Variants in SLC9A2 observed in about 807,000 individuals in gnomAD.
SLC9A2 encodes sodium/hydrogen exchanger 2.
SLC9A2 carries 42 observed loss-of-function variants against 71.7 expected under a neutral mutation model. The ratio of observed to expected loss-of-function variants is 0.59; its 90% CI spans 0.46 to 0.76. SLC9A2 has a LOEUF of 0.76. SLC9A2 is among the 30% of genes least tolerant of loss of function. SLC9A2 has a pLI of 0.00. For missense variants in SLC9A2, 829 were observed against 1,017.4 expected, an observed-to-expected ratio of 0.81 and a Z score of 2.52; for synonymous variants, 396 against 392.5, an observed-to-expected ratio of 1.01 and a Z score of -0.10.
chr2:102,644,078 C>T (rs1182266387), intron 1 of SLC9A2, among the ~76,000 whole-genome samples: 1 of 151,990 alleles, frequency 6.6e-6, no homozygotes, highest in Non-Finnish European at 1.5e-5. Context: ...GAACAGCTCC[C>T]AGCAAGTCCA....
intron 9 of SLC9A2, 84 bp downstream of exon 9, chr2:102,702,586 C>A: frequency 3.9e-6 from 3 of 772,028 alleles, no homozygotes; most frequent in African/African-American, 1.8e-5. Context: ...CTGGAGGCTG[C>A]ATCTTGACAC....
intron 1 of SLC9A2, 36 bp downstream of exon 1, chr2:102,620,173 C>T: frequency 6.4e-7 from 1 of 1,556,278 alleles, no homozygotes; most frequent in Non-Finnish European, 8.8e-7. Flanking sequence ...TGGGAGGGGG[C>T]GATCTCGGGG....
intron 1 of SLC9A2, among the ~76,000 whole-genome samples, chr2:102,654,918 G>T (rs1676908607): frequency 6.6e-6 from 1 of 152,104 alleles, no homozygotes; most frequent in African/African-American, 2.4e-5. Context: ...CATAGAAAAG[G>T]CATCATAAAA....
chr2:102,672,962 C>G (rs113372081), intron 3 of SLC9A2, among the ~76,000 whole-genome samples: 6 of 151,844 alleles, frequency 4.0e-5, no homozygotes, highest in African/African-American at 1.5e-4. Flanking sequence ...AATCGAGCCT[C>G]TATATTAAGG....
intron 1 of SLC9A2, among the ~76,000 whole-genome samples, chr2:102,651,750 T>C (rs1358088503): frequency 6.6e-6 from 1 of 152,236 alleles, no homozygotes; most frequent in Admixed American, 6.5e-5. Context: ...TTTAACACAT[T>C]GCTACACCCC....
intron 3 of SLC9A2, among the ~76,000 whole-genome samples, chr2:102,674,071 G>A (rs1458511719): frequency 6.6e-6 from 1 of 152,170 alleles, no homozygotes; most frequent in Non-Finnish European, 1.5e-5. Context: ...TTACAGGCAT[G>A]AGCCACCACA....
intron 1 of SLC9A2, among the ~76,000 whole-genome samples, chr2:102,639,682 T>C (rs1171674707): frequency 6.6e-6 from 1 of 151,736 alleles, no homozygotes; most frequent in Non-Finnish European, 1.5e-5. Flanking sequence ...TGAAAATTTG[T>C]GTCCATTAAA....
At chr2:102,642,778 C>A (rs1209339172) in intron 1 of SLC9A2, among the ~76,000 whole-genome samples, 1 of 152,064 alleles carries the variant, frequency 6.6e-6, no homozygotes, top group African/African-American at 2.4e-5. Context: ...CTATATGGAC[C>A]TGGAGATTTT....
chr2:102,676,952 C>T (rs561917842), intron 3 of SLC9A2, among the ~76,000 whole-genome samples: 2 of 152,322 alleles, frequency 1.3e-5, no homozygotes, highest in East Asian at 1.9e-4. Flanking sequence ...TTTTTAAAAT[C>T]ATATGGAATG....
Position 102,695,109 on chromosome 2 carries a change from G to A in SLC9A2, c.1582G>A (p.Asp528Asn), listed in dbSNP as rs1677730544. The stretch of plus-strand genomic sequence containing the variant: ...ACATTGGGGTCACAACTTTTGGAGA[G>A]ACAAGTAAGAAGGTCTTATGCCATT... Reference protein sequence around the residue: ...CGHWGHNFWRDKFKKFDDKYL... With the variant: ...CGHWGHNFWRNKFKKFDDKYL... The change falls in exon 7 of 12, where the codon GAC becomes AAC. Residue 528 changes from aspartate to asparagine, a missense_variant. This residue lies in a region of SLC9A2 where 500 missense variants were observed against 726.3 expected (regional missense o/e 0.69). Transcript: ENST00000233969. 8 of 1,612,664 alleles carry A rather than the reference G, an allele frequency of 5.0e-6. No homozygotes were observed. Among genetic ancestry groups the A allele is most frequent in the Non-Finnish European group, 6.8e-6 (8 of 1,178,840 alleles).
At chr2:102,688,707 A>G (rs1215884435) in intron 5 of SLC9A2, among the ~76,000 whole-genome samples, 1 of 152,206 alleles carries the variant, frequency 6.6e-6, no homozygotes, top group Non-Finnish European at 1.5e-5. Context: ...CAGCCTGGCG[A>G]CAGAGCAAGA....
chr2:102,675,510 T>C (rs992326453), intron 3 of SLC9A2, among the ~76,000 whole-genome samples: 2 of 152,188 alleles, frequency 1.3e-5, no homozygotes, highest in African/African-American at 2.4e-5. Flanking sequence ...AAGCTGTAGG[T>C]CACGGCTCCA....
At chr2:102,673,911 C>T (rs1358080847) in intron 3 of SLC9A2, among the ~76,000 whole-genome samples, 1 of 151,794 alleles carries the variant, frequency 6.6e-6, no homozygotes, top group South Asian at 2.1e-4. Flanking sequence ...CCTCAGCTGC[C>T]CGAGCAGCTG....
Position 102,657,550 on chromosome 2 carries a change from T to G in SLC9A2, c.290-14T>G. On this transcript the variant is annotated splice_polypyrimidine_tract_variant and intron_variant, in intron 1 of 11. Transcript: ENST00000233969. Reference sequence around the variant, plus strand: ...CATAACCCAAGTTGTGTGTTTTTATTTTTTCCTTACCAGGCTTCCATCTGT... The same window carrying G: ...CATAACCCAAGTTGTGTGTTTTTATGTTTTCCTTACCAGGCTTCCATCTGT... The G allele has an allele frequency of 6.4e-7, 1 of 1,563,978 alleles. No homozygotes were observed. The highest frequency in any genetic ancestry group is 1.2e-5 in the South Asian group (1 of 83,252).
chr2:102,699,795 G>A (rs1427379630), intron 7 of SLC9A2, among the ~76,000 whole-genome samples: 1 of 152,140 alleles, frequency 6.6e-6, no homozygotes, highest in African/African-American at 2.4e-5. Flanking sequence ...GGCCACGAGG[G>A]AAGGTTCTGT....
intron 9 of SLC9A2, among the ~76,000 whole-genome samples, chr2:102,703,164 C>G (rs1365608454): frequency 6.6e-6 from 1 of 152,130 alleles, no homozygotes; most frequent in Non-Finnish European, 1.5e-5. Flanking sequence ...GCTGGTGTCC[C>G]CATAAGGTGT....
intron 5 of SLC9A2, among the ~76,000 whole-genome samples, chr2:102,691,062 A>C (rs989929688): frequency 1.3e-5 from 2 of 152,006 alleles, no homozygotes. Context: ...TCTGATATAA[A>C]TGGGAGCTGG....
intron 1 of SLC9A2, among the ~76,000 whole-genome samples, chr2:102,631,241 G>A (rs1676348794): frequency 6.6e-6 from 1 of 151,962 alleles, no homozygotes; most frequent in Non-Finnish European, 1.5e-5. Flanking sequence ...AAAGCCATAA[G>A]GAGTTGACAT....
chr2:102,621,813 C>G (rs1200400355), intron 1 of SLC9A2, among the ~76,000 whole-genome samples: 1 of 152,090 alleles, frequency 6.6e-6, no homozygotes, highest in African/African-American at 2.4e-5. Flanking sequence ...GCAGAGCAAA[C>G]ATTTAAACTG....
Sources: gnomAD v4.1 joint callset for allele counts (sites outside exome capture counted in the v4.1 genomes callset) on GRCh38, gnomAD v4.1.1 for gene constraint, gnomAD v4.1.1 regional missense constraint, MANE v1.5 for transcripts, NCBI Gene and HGNC (gene_info 2026-07-23, HGNC 2026-07-21) for gene names.